The following IFT88 variants were observed in gnomAD, a reference collection of about 807,000 sequenced individuals.
IFT88 encodes the protein intraflagellar transport 88.
A neutral mutation model predicts 119.5 loss-of-function variants in IFT88; 74 were observed. That is an observed-to-expected ratio of 0.62 (90% confidence interval 0.51 to 0.75). The LOEUF is 0.75. Among genes scored for constraint, IFT88 ranks in the 30% least tolerant of loss-of-function variants. IFT88 has a pLI of 0.00. For synonymous variants in IFT88, 279 were observed against 316.7 expected, an observed-to-expected ratio of 0.88 and a Z score of 1.26; for missense variants, 961 against 977.7, an observed-to-expected ratio of 0.98 and a Z score of 0.23.
At chr13:20,639,720 A>G (rs932655305) in intron 17 of IFT88, among the ~76,000 whole-genome samples, 4 of 148,392 alleles carry the variant, frequency 2.7e-5, no homozygotes, top group African/African-American at 7.5e-5. Flanking sequence ...AATTGCTTCT[A>G]TTTTAACTTT....
At chr13:20,602,666 C>G (rs1373177414) in intron 12 of IFT88, among the ~76,000 whole-genome samples, 1 of 152,096 alleles carries the variant, frequency 6.6e-6, no homozygotes, top group Non-Finnish European at 1.5e-5. Context: ...GGGCAGATTG[C>G]GAGGTCAGTA....
At chr13:20,617,423 G>A (rs1471640685) in intron 14 of IFT88, among the ~76,000 whole-genome samples, 2 of 152,148 alleles carry the variant, frequency 1.3e-5, no homozygotes, top group African/African-American at 4.8e-5. Flanking sequence ...GAAAAGAGAA[G>A]TCAAACAAAG....
At chr13:20,649,855 C>T (rs2051335111) in intron 20 of IFT88, among the ~76,000 whole-genome samples, 2 of 152,054 alleles carry the variant, frequency 1.3e-5, no homozygotes, top group African/African-American at 4.8e-5. Context: ...AGAAAACAAC[C>T]TTGCCTCAAC....
intron 24 of IFT88, among the ~76,000 whole-genome samples, chr13:20,673,405 G>C (rs1409098789): frequency 6.6e-6 from 1 of 152,200 alleles, no homozygotes; most frequent in Non-Finnish European, 1.5e-5. Context: ...CCAGGGGACA[G>C]TGTCTGGGGT....
At chr13:20,653,498 G>T (rs888728870) in intron 20 of IFT88, among the ~76,000 whole-genome samples, 1 of 152,052 alleles carries the variant, frequency 6.6e-6, no homozygotes, top group African/African-American at 2.4e-5. Context: ...TCAAACACTA[G>T]ATCAAAAATC....
At chr13:20,575,211 T>C (rs575654462) in intron 2 of IFT88, among the ~76,000 whole-genome samples, 26 of 152,304 alleles carry the variant, frequency 1.7e-4, no homozygotes, top group African/African-American at 5.1e-4. Flanking sequence ...AAACATGCGA[T>C]GTTTGTCTTT....
chr13:20,615,682 G>A, intron 13 of IFT88, 111 bp from the exon 14 acceptor site: 1 of 548,958 alleles, frequency 1.8e-6, no homozygotes. Flanking sequence ...TGTTTAGTAG[G>A]CTTTTGTGGT....
At chr13:20,580,954 T>G (rs2038509477) in intron 2 of IFT88, among the ~76,000 whole-genome samples, 1 of 152,048 alleles carries the variant, frequency 6.6e-6, no homozygotes. Context: ...CTCGATCTCC[T>G]GACTTCATGA....
intron 17 of IFT88, among the ~76,000 whole-genome samples, chr13:20,640,063 T>A (rs991613012): frequency 3.3e-5 from 5 of 152,062 alleles, no homozygotes; most frequent in Non-Finnish European, 5.9e-5. Flanking sequence ...GTGATGGGAT[T>A]ACAGGCATGG....
At chr13:20,577,180 A>G (rs1474792086) in intron 2 of IFT88, among the ~76,000 whole-genome samples, 4 of 152,210 alleles carry the variant, frequency 2.6e-5, no homozygotes, top group African/African-American at 9.6e-5. Flanking sequence ...CTTTTGACAT[A>G]TAGAAATGCT....
intron 24 of IFT88, among the ~76,000 whole-genome samples, chr13:20,679,127 T>C (rs2057034754): frequency 6.6e-6 from 1 of 152,228 alleles, no homozygotes; most frequent in Non-Finnish European, 1.5e-5. Flanking sequence ...TGTTTCATTA[T>C]ACAGATGAGG....
chr13:20,658,574 G>A (rs565973886), intron 22 of IFT88, among the ~76,000 whole-genome samples: 3 of 152,320 alleles, frequency 2.0e-5, no homozygotes, highest in Admixed American at 2.0e-4. Context: ...TTTCTTGAAA[G>A]TGGAACAACC....
intron 23 of IFT88, among the ~76,000 whole-genome samples, chr13:20,664,458 C>T (rs2054317263): frequency 1.3e-5 from 2 of 152,154 alleles, no homozygotes; most frequent in South Asian, 4.1e-4. Flanking sequence ...GGTTGTTGGC[C>T]AGGCAAGACA....
chr13:20,591,865 G>A (rs2040745555), intron 6 of IFT88, among the ~76,000 whole-genome samples, 184 bp downstream of exon 6: 2 of 152,030 alleles, frequency 1.3e-5, no homozygotes, highest in South Asian at 4.1e-4. Flanking sequence ...ATATCTGTTG[G>A]GGTGGTAATT....
chr13:20,659,922 G>A (rs938937487), intron 22 of IFT88, among the ~76,000 whole-genome samples: 2 of 152,174 alleles, frequency 1.3e-5, no homozygotes, highest in African/African-American at 4.8e-5. Flanking sequence ...GATTACAGGC[G>A]TGAGCCACCG....
In IFT88 at chr13:20,672,292, G is replaced by T. The variant is rs1385443438; in HGVS notation, c.2242+1253G>T. On this transcript the variant is annotated intron_variant, in intron 24 of 25. Coordinates refer to ENST00000351808, the MANE Select transcript of IFT88 (RefSeq NM_006531.5). ...ACTTGATTCCCCAAGAGTCAGTCCAGCGTCTCCAGCTAAACCTCATGGTGC... is the reference window on the plus strand; with the variant it reads ...ACTTGATTCCCCAAGAGTCAGTCCATCGTCTCCAGCTAAACCTCATGGTGC... Among the ~76,000 whole-genome samples, 4 of 152,294 alleles carry T rather than the reference G, an allele frequency of 2.6e-5. No homozygotes were observed. The East Asian group carries it at 7.7e-4, about 29-fold the overall frequency.
At chr13:20,593,618 G>A (rs1445091423) in intron 7 of IFT88, among the ~76,000 whole-genome samples, 1 of 151,646 alleles carries the variant, frequency 6.6e-6, no homozygotes, top group African/African-American at 2.4e-5. Context: ...TGACTAGCAA[G>A]GAACCTCTAT....
intron 7 of IFT88, among the ~76,000 whole-genome samples, chr13:20,593,123 A>G (rs2040997003): frequency 6.6e-6 from 1 of 152,170 alleles, no homozygotes; most frequent in African/African-American, 2.4e-5. Flanking sequence ...ATTATTGAGA[A>G]ATTTAATTTT....
chr13:20,594,692 A>G (rs2041328891), intron 7 of IFT88, among the ~76,000 whole-genome samples: 1 of 152,218 alleles, frequency 6.6e-6, no homozygotes, highest in Non-Finnish European at 1.5e-5. Flanking sequence ...AGTGTTTCAG[A>G]CAACTAGAAA....
Sources: gnomAD v4.1 joint callset for allele counts (sites outside exome capture counted in the v4.1 genomes callset) on GRCh38, gnomAD v4.1.1 for gene constraint, MANE v1.5 for transcripts, NCBI Gene and HGNC (gene_info 2026-07-23, HGNC 2026-07-21) for gene names.